The following NLRP11 variants were observed in gnomAD, a reference collection of about 807,000 sequenced individuals.
The protein encoded by NLRP11 is NACHT, LRR and PYD domains-containing protein 11.
Under a neutral mutation model 79.3 loss-of-function variants are expected in NLRP11, and 53 were observed. The ratio of observed to expected loss-of-function variants is 0.67; its 90% CI spans 0.54 to 0.84. The LOEUF is 0.84. NLRP11 is among the 40% of genes least tolerant of loss of function. The probability of loss-of-function intolerance (pLI) is 0.00; values close to 1 mark genes in which losing one functional copy is unlikely to be tolerated. For missense variants in NLRP11, 1,264 were observed against 1,255.0 expected, an observed-to-expected ratio of 1.01 and a Z score of -0.11; for synonymous variants, 518 against 462.6, an observed-to-expected ratio of 1.12 and a Z score of -1.54.
At chr19:55,819,829 T>C (rs574540909) in intron 1 of NLRP11, among the ~76,000 whole-genome samples, 21 of 152,116 alleles carry the variant, frequency 1.4e-4, no homozygotes, top group Non-Finnish European at 2.4e-4. Context: ...ACAGAGTCAC[T>C]GGTATTGTAG....
chr19:55,819,760 C>T (rs1257479105), intron 1 of NLRP11, among the ~76,000 whole-genome samples: 1 of 152,160 alleles, frequency 6.6e-6, no homozygotes, highest in Non-Finnish European at 1.5e-5. Flanking sequence ...TCAACCGTAA[C>T]TAGGTTGTTG....
intron 1 of NLRP11, among the ~76,000 whole-genome samples, chr19:55,819,125 CTACACACACACACACA>C (rs1981427442): frequency 1.0e-5 from 1 of 95,838 alleles, no homozygotes; most frequent in Non-Finnish European, 2.2e-5. Flanking sequence ...GTGGTATCGC[CTACACACACACACACA>C]CACACACACA....
At chr19:55,811,811 A>G (rs2122835557) in intron 2 of NLRP11, among the ~76,000 whole-genome samples, 1 of 152,238 alleles carries the variant, frequency 6.6e-6, no homozygotes, top group South Asian at 2.1e-4. Flanking sequence ...CTTTTTGCCA[A>G]TTTATTGATT....
chr19:55,798,935 T>C (rs149541208), intron 5 of NLRP11, among the ~76,000 whole-genome samples: 196 of 152,318 alleles, frequency 1.3e-3, no homozygotes, highest in African/African-American at 4.3e-3. Context: ...AGGAGTCAGA[T>C]GGATCCACTC....
intron 1 of NLRP11, among the ~76,000 whole-genome samples, chr19:55,819,100 T>G (rs946912036): frequency 7.0e-6 from 1 of 143,114 alleles, no homozygotes; most frequent in Admixed American, 7.2e-5. Context: ...GAGATCTTCC[T>G]CCCCACTGTA....
intron 6 of NLRP11, among the ~76,000 whole-genome samples, chr19:55,795,706 T>C (rs1600176949): frequency 6.6e-6 from 1 of 152,086 alleles, no homozygotes; most frequent in South Asian, 2.1e-4. Context: ...GCCAGGCTGG[T>C]CTTGAACTCC....
At chr19:55,788,566 C>G (rs144601354) in intron 9 of NLRP11, among the ~76,000 whole-genome samples, 1 of 151,208 alleles carries the variant, frequency 6.6e-6, no homozygotes, top group African/African-American at 2.4e-5. Context: ...TGGTGAAACC[C>G]CGTCTCTACT....
intron 5 of NLRP11, among the ~76,000 whole-genome samples, chr19:55,796,765 C>T (rs1035934214): frequency 7.2e-5 from 11 of 151,818 alleles, no homozygotes; most frequent in African/African-American, 1.2e-4. Context: ...CGGCTCACTG[C>T]AACCTCTGCC....
chr19:55,816,117 A>C (rs1981088534), intron 2 of NLRP11, among the ~76,000 whole-genome samples: 1 of 152,222 alleles, frequency 6.6e-6, no homozygotes, highest in African/African-American at 2.4e-5. Flanking sequence ...GAGGAATTTG[A>C]GGACCAAACT....
chr19:55,817,054 A>AT (rs1183054385), intron 2 of NLRP11, among the ~76,000 whole-genome samples: 1 of 152,196 alleles, frequency 6.6e-6, no homozygotes, highest in Non-Finnish European at 1.5e-5. Flanking sequence ...AGTATCTGAT[A>AT]GTCCTTGAAA....
Position 55,809,330 on chromosome 19 carries a change from A to G in NLRP11, c.1280T>C (p.Val427Ala). Residue 427 changes from valine to alanine, a missense_variant, in exon 3 of 10, where the codon GTC becomes GCC. Coordinates refer to ENST00000589093, the Ensembl canonical transcript of NLRP11. This position sits in a 1 kb window ranked among gnomAD's most constrained non-coding sequence, Gnocchi z 4.5. Reference sequence around the variant, plus strand: ...AATATTCGCGGCCTGCAACACAGAGACATCAGCCTCAGTAAACCCAACACA... The same window carrying G: ...AATATTCGCGGCCTGCAACACAGAGGCATCAGCCTCAGTAAACCCAACACA... 1 of 1,613,992 alleles carries G rather than the reference A, an allele frequency of 6.2e-7. No individual in the cohort carries two copies. Among genetic ancestry groups the G allele is most frequent in the East Asian group, 2.2e-5 (1 of 44,882 alleles).
upstream of NLRP11, among the ~76,000 whole-genome samples, chr19:55,834,630 C>A (rs1983076133): frequency 6.6e-6 from 1 of 152,104 alleles, no homozygotes; most frequent in African/African-American, 2.4e-5. Context: ...ATCCAAAAGT[C>A]CTGTGGGCTC....
intron 1 of NLRP11, among the ~76,000 whole-genome samples, chr19:55,819,123 G>A (rs1432938293): frequency 8.0e-6 from 1 of 125,600 alleles, no homozygotes; most frequent in African/African-American, 2.9e-5. Flanking sequence ...GAGTGGTATC[G>A]CCTACACACA....
intron 1 of NLRP11, among the ~76,000 whole-genome samples, chr19:55,830,671 C>T (rs543287524): frequency 2.0e-4 from 30 of 149,172 alleles, no homozygotes; most frequent in African/African-American, 7.5e-4. Flanking sequence ...GGGCAAAATA[C>T]TTTTTTTACA....
At chr19:55,819,868 G>A (rs1444293630) in intron 1 of NLRP11, among the ~76,000 whole-genome samples, 1 of 152,174 alleles carries the variant, frequency 6.6e-6, no homozygotes, top group African/African-American at 2.4e-5. Context: ...CCTACCTGAA[G>A]GGAAGAAGTA....
chr19:55,801,426 A>G, intron 5 of NLRP11, 146 bp downstream of exon 5: 1 of 629,454 alleles, frequency 1.6e-6, no homozygotes. Flanking sequence ...TGTTGGTGAA[A>G]GAAACAAACC....
At chr19:55,789,511 G>A in intron 7 of NLRP11, 112 bp from the exon 8 acceptor site, 1 of 952,600 alleles carries the variant, frequency 1.0e-6, no homozygotes, top group Non-Finnish European at 1.6e-6. Context: ...ATAAGGGACT[G>A]CTTACAGAAA....
At chr19:55,815,609 A>G (rs1033514870) in intron 2 of NLRP11, among the ~76,000 whole-genome samples, 65 of 152,152 alleles carry the variant, frequency 4.3e-4, no homozygotes, top group African/African-American at 1.4e-3. Flanking sequence ...CTCCAAACAT[A>G]TTCAGTGCCA....
chr19:55,809,945 T>C lies in NLRP11; in HGVS notation c.665A>G (p.Lys222Arg), dbSNP rs2122824527. 1.2e-6 allele frequency: 2 copies of C among 1,614,186 alleles called. No individual in the cohort carries two copies. Among genetic ancestry groups the C allele is most frequent in the African/African-American group, 2.7e-5 (2 of 75,056 alleles). Residue 222 changes from lysine (K) to arginine (R), a missense_variant, in exon 3 of 10, where the codon AAG becomes AGG. By Grantham distance (26) the Lys-to-Arg change is conservative (BLOSUM62 2). Coordinates refer to ENST00000589093, the Ensembl canonical transcript of NLRP11. The surrounding 1 kb of genome is among the most constrained non-coding windows in gnomAD (Gnocchi z 4.5). Reference sequence around the variant, plus strand: ...GTCCTCGAGGATGAAAAGGAGTTTCTTGGGATCAGACAGGATGTCTGCAAT... The same window carrying C: ...GTCCTCGAGGATGAAAAGGAGTTTCCTGGGATCAGACAGGATGTCTGCAAT...
Sources: allele counts gnomAD v4.1 joint callset (sites outside exome capture counted in the v4.1 genomes callset), GRCh38; gene constraint gnomAD v4.1.1; non-coding constraint Gnocchi (gnomAD v3.1); transcripts MANE v1.5; gene names NCBI Gene and HGNC (gene_info 2026-07-23, HGNC 2026-07-21).